The following RCN2 variants were observed in gnomAD, a reference collection of about 807,000 sequenced individuals.
The protein encoded by RCN2 is reticulocalbin 2, also known as reticulocalbin-2.
Under a neutral mutation model 37.5 loss-of-function variants are expected in RCN2, and 23 were observed. That is an observed-to-expected ratio of 0.61 (90% CI 0.44 to 0.87). The LOEUF is 0.87. Ranked by LOEUF, RCN2 falls within the 40% of genes least tolerant of loss-of-function variation. The pLI, the probability that RCN2 is intolerant of heterozygous loss-of-function variation, is 0.00. For synonymous variants in RCN2, 140 were observed against 144.6 expected (o/e 0.97, Z 0.23); for missense variants, 381 against 390.4 (o/e 0.98, Z 0.20).
intron 3 of RCN2, among the ~76,000 whole-genome samples, chr15:76,940,228 G>A (rs2075271239): frequency 6.6e-6 from 1 of 151,878 alleles, no homozygotes; most frequent in Non-Finnish European, 1.5e-5. Context: ...TGCTCAGGAG[G>A]CTGAAGTAGG....
At position 76,941,417 on chromosome 15, in the gene RCN2, T is replaced by G. The variant is rs1011469442; in HGVS notation, c.448-2341T>G. The G allele has an allele frequency of 7.1e-5, 27 of 379,518 alleles. 1 individual carries two copies. The highest frequency in any genetic ancestry group is 6.9e-4 in the Middle Eastern group (1 of 1,442). 23.5% of individuals were successfully genotyped at this position (379,518 alleles called of 1,614,324 possible). A position where few individuals can be genotyped will look rare whatever the true frequency, so the allele number is the denominator to read the frequency against. On this transcript the variant is annotated intron_variant, in intron 3 of 6. Coordinates refer to ENST00000394885, the MANE Select transcript of RCN2 (RefSeq NM_002902.3). ...AGTCATTTGTTCTAGTATCACACAT[T>G]ATATATTTCCTCATGTAGAATCATT...
rs765700364 is a variant in RCN2 at position 76,935,517 on chromosome 15, T to C, written c.251-9T>C. The C allele has an allele frequency of 6.2e-7, 1 of 1,605,368 alleles. No individual in the cohort carries two copies. Among genetic ancestry groups the C allele is most frequent in the Non-Finnish European group, 8.5e-7 (1 of 1,175,618 alleles). ...GTCACATGCGTTGTGTTCTGGGAAATTCTCATAGGTGAACTCAGTTCATGG... is the reference window on the plus strand; with the variant it reads ...GTCACATGCGTTGTGTTCTGGGAAACTCTCATAGGTGAACTCAGTTCATGG... On this transcript the variant is annotated splice_polypyrimidine_tract_variant and intron_variant, in intron 2 of 6. Transcript: ENST00000394885.
rs1408971425 is a variant in RCN2, at chr15:76,939,671, A to G, written c.447+3949A>G. ...GAATTAACTTATCTTAAACCAATGT[A>G]ACTTATCTAAAACCAAAGCATGGTG... On this transcript the variant is annotated intron_variant, in intron 3 of 6. Coordinates refer to ENST00000394885, the MANE Select transcript of RCN2 (RefSeq NM_002902.3). 2.0e-5 allele frequency among the ~76,000 whole-genome samples: 3 copies of G among 152,222 alleles called. No homozygotes were observed. The East Asian group carries it at 5.8e-4, about 29-fold the overall frequency.
intron 3 of RCN2, among the ~76,000 whole-genome samples, chr15:76,938,079 T>G (rs2075260500): frequency 6.6e-6 from 1 of 152,192 alleles, no homozygotes; most frequent in African/African-American, 2.4e-5. Flanking sequence ...ACCAAGAATT[T>G]TTTTAAGATA....
Position 76,948,439 on chromosome 15 carries a change from G to A in RCN2, c.688G>A (p.Val230Ile). Residue 230 changes from valine (V) to isoleucine (I), a missense_variant, in exon 6 of 7, where the codon GTT (valine) becomes ATT (isoleucine). Coordinates refer to ENST00000394885, the MANE Select transcript of RCN2 (RefSeq NM_002902.3). Reference sequence around the variant, plus strand: ...AAATGAAGATCCAGAATGGATACTTGTTGAGAAAGACAGATTCGTGAATGA... The same window carrying A: ...AAATGAAGATCCAGAATGGATACTTATTGAGAAAGACAGATTCGTGAATGA... ...TANEDPEWIL[V>I]EKDRFVNDYD... is the part of the protein sequence containing the mutation. 1 of 1,606,878 alleles carries A rather than the reference G, an allele frequency of 6.2e-7. No homozygotes were observed. The highest frequency in any genetic ancestry group is 8.5e-7 in the Non-Finnish European group (1 of 1,176,124).
In RCN2 at chr15:76,950,372, G is replaced by A. The variant is rs1361091856; in HGVS notation, c.*1150G>A. 1.3e-5 allele frequency: 2 copies of A among 149,198 alleles called. No individual in the cohort carries two copies. The highest frequency in any genetic ancestry group is 3.0e-5 in the Non-Finnish European group (2 of 67,452). 9.2% of individuals were successfully genotyped at this position (149,198 alleles called of 1,614,324 possible). ...TTTTTTTCTAGTTCTGATGTACAGA[G>A]ATTGTTTTTCATTCTTTTTTTTTTT... On this transcript the variant is annotated 3_prime_UTR_variant, in exon 7 of 7. Transcript: ENST00000394885.
At chr15:76,945,662 G>A (rs2075293932) in intron 4 of RCN2, among the ~76,000 whole-genome samples, 1 of 152,172 alleles carries the variant, frequency 6.6e-6, no homozygotes, top group African/African-American at 2.4e-5. Context: ...CATGACATCA[G>A]CCTCCAGCTA....
At position 76,953,593 on chromosome 15, in the gene RCN2, A is replaced by ATATATATAT. The variant is rs1568463559; in HGVS notation, c.*4372_*4373insATATATATT. On this transcript the variant is annotated 3_prime_UTR_variant, in exon 7 of 7. Transcript: ENST00000394885. ...TATATATATATATATATATATATAT[A>ATATATATAT]TTTTTTTTTTTTTTTTTTTTTTTTT... The ATATATATAT allele has an allele frequency of 1.0e-4, 1 of 9,842 alleles. No individual in the cohort carries two copies. Among genetic ancestry groups the ATATATATAT allele is most frequent in the Non-Finnish European group, 1.9e-4 (1 of 5,280 alleles). 0.6% of individuals were successfully genotyped at this position (9,842 alleles called of 1,614,324 possible).
chr15:76,935,666 A>G lies in RCN2; in HGVS notation c.391A>G (p.Ile131Val). 6.2e-7 allele frequency: 1 copy of G among 1,614,096 alleles called. No homozygotes were observed. The highest frequency in any genetic ancestry group is 1.7e-5 in the Admixed American group (1 of 60,012). ...TAACATTCAGATGTATGATCGTGTG[A>G]TTGACTTTGATGAGAACACTGCTCT... is the stretch of plus-strand genomic sequence containing the variant. Reference protein sequence around the residue: ...EYNIQMYDRVIDFDENTALDD... With the variant: ...EYNIQMYDRVVDFDENTALDD... The change falls in exon 3 of 7, where the codon ATT becomes GTT. Residue 131 changes from isoleucine (I) to valine (V), a missense_variant. Coordinates refer to ENST00000394885, the MANE Select transcript of RCN2 (RefSeq NM_002902.3).
chr15:76,948,841 C>T (rs192084991), intron 6 of RCN2: 22 of 552,990 alleles, frequency 4.0e-5, no homozygotes, highest in Non-Finnish European at 6.3e-5. Context: ...CTTGATATAT[C>T]CTGGATTGGA....
At chr15:76,945,221 T>G (rs1362794245) in intron 4 of RCN2, among the ~76,000 whole-genome samples, 1 of 152,240 alleles carries the variant, frequency 6.6e-6, no homozygotes, top group African/African-American at 2.4e-5. Flanking sequence ...TCAGGCTATT[T>G]TCTCTCATAA....
intron 3 of RCN2, chr15:76,941,602 TA>T: frequency 7.8e-7 from 1 of 1,286,268 alleles, no homozygotes; most frequent in Non-Finnish European, 1.1e-6. Flanking sequence ...GTTGAAGTTT[TA>T]TGAAACTGAC....
intron 6 of RCN2, 126 bp from the exon 7 acceptor site, chr15:76,948,944 T>C: frequency 1.2e-6 from 1 of 850,220 alleles, no homozygotes; most frequent in Non-Finnish European, 1.8e-6. Context: ...GTAACATTTT[T>C]AGATACTTAA....
chr15:76,939,389 A>G (rs1258563093), intron 3 of RCN2, among the ~76,000 whole-genome samples: 2 of 152,154 alleles, frequency 1.3e-5, no homozygotes, highest in Admixed American at 6.5e-5. Flanking sequence ...AAGCATTTAC[A>G]GTTCACATAA....
Position 76,932,461 on chromosome 15 carries a change from C to G in RCN2, c.245C>G (p.Thr82Ser). The G allele has an allele frequency of 6.2e-7, 1 of 1,603,318 alleles. No individual in the cohort carries two copies. The highest frequency in any genetic ancestry group is 8.5e-7 in the Non-Finnish European group (1 of 1,171,874). Reference protein sequence around the residue: ...KIDLDSDGFLTESELSSWIQM... With the variant: ...KIDLDSDGFLSESELSSWIQM... ...GACTTGGACTCAGATGGCTTTCTCA[C>G]TGAAAGTAAGGACTGCCCTACACGA... Residue 82 changes from threonine to serine, a missense_variant, in exon 2 of 7, where the codon ACT becomes AGT. Transcript: ENST00000394885.
intron 2 of RCN2, among the ~76,000 whole-genome samples, chr15:76,934,601 AT>A (rs2075239141): frequency 6.6e-6 from 1 of 152,252 alleles, no homozygotes; most frequent in Non-Finnish European, 1.5e-5. Context: ...TTAACAACAT[AT>A]TTAAAGGTAA....
Position 76,953,670 on chromosome 15 carries a change from C to G in RCN2, c.*4448C>G, listed in dbSNP as rs1397091533. On this transcript the variant is annotated 3_prime_UTR_variant, in exon 7 of 7. Coordinates refer to ENST00000394885, the MANE Select transcript of RCN2 (RefSeq NM_002902.3). ...TCGCCCAGGCTGGAGTGCAGTGGCG[C>G]GATCTCGGCTCACTGCAGGCTCCGC... 4 of 124,666 alleles carry G rather than the reference C, an allele frequency of 3.2e-5. No homozygotes were observed. In the East Asian group the frequency reaches 1.1e-3, roughly 33 times the overall value. The allele number at this position is 124,666 out of a possible 1,614,324, so 7.7% of individuals were successfully genotyped here.
chr15:76,949,168 C>A lies in RCN2; in HGVS notation c.900C>A (p.Ala300=), dbSNP rs1343775229. The A allele has an allele frequency of 1.2e-6, 2 of 1,613,140 alleles. No individual in the cohort carries two copies. The highest frequency in any genetic ancestry group is 2.2e-5 in the South Asian group (2 of 90,936). Residue 300 remains alanine, a synonymous_variant, in exon 7 of 7, where the codon GCC becomes GCA. Transcript: ENST00000394885. ...ENPDLFLTSE[A]TDYGRQLHDD... ...CGGACTTGTTTCTCACCAGTGAAGC[C>A]ACAGATTATGGCAGACAGCTCCATG...
rs1262105529 is a variant in RCN2 at position 76,953,738 on chromosome 15, G to C, written c.*4516G>C. Reference sequence around the variant, plus strand: ...TTCTCCTGCCTCAGCCTCCCGAGTAGCTGGGACTATAGGCGCCTGCCACCG... The same window carrying C: ...TTCTCCTGCCTCAGCCTCCCGAGTACCTGGGACTATAGGCGCCTGCCACCG... On this transcript the variant is annotated 3_prime_UTR_variant, in exon 7 of 7. Coordinates refer to ENST00000394885, the MANE Select transcript of RCN2 (RefSeq NM_002902.3). 4 of 106,654 alleles carry C rather than the reference G, an allele frequency of 3.8e-5. No individual in the cohort carries two copies. Among genetic ancestry groups the C allele is most frequent in the African/African-American group, 1.1e-4 (4 of 37,248 alleles). 6.6% of individuals were successfully genotyped at this position (106,654 alleles called of 1,614,324 possible).
Sources: gnomAD v4.1 joint callset for allele counts (sites outside exome capture counted in the v4.1 genomes callset) on GRCh38, gnomAD v4.1.1 for gene constraint, MANE v1.5 for transcripts, NCBI Gene and HGNC (gene_info 2026-07-23, HGNC 2026-07-21) for gene names.